Variants in LRMDA observed in about 807,000 individuals in gnomAD.
The protein encoded by LRMDA is leucine-rich melanocyte differentiation-associated protein.
LRMDA carries 18 observed loss-of-function variants against 29.8 expected under a neutral mutation model. The ratio of observed to expected loss-of-function variants is 0.60; its 90% CI spans 0.42 to 0.90. The LOEUF (loss-of-function observed/expected upper bound fraction) is 0.90. LRMDA is among the 40% of genes least tolerant of loss of function. The pLI is 0.00. For missense variants in LRMDA, 273 were observed against 273.9 expected (o/e 1.00, Z 0.02); for synonymous variants, 125 against 109.4 (o/e 1.14, Z -0.89).
intron 5 of LRMDA, among the ~76,000 whole-genome samples, chr10:76,191,900 T>G (rs765594969): frequency 6.6e-6 from 1 of 152,196 alleles, no homozygotes; most frequent in African/African-American, 2.4e-5. Context: ...CAGGACATCT[T>G]CTGGGAGTGG....
chr10:75,667,220 A>ACCC (rs34383202), intron 2 of LRMDA, among the ~76,000 whole-genome samples: 3 of 149,308 alleles, frequency 2.0e-5, no homozygotes, highest in African/African-American at 5.0e-5. Context: ...TGATTTTATA[A>ACCC]CCCCCCCCCC....
chr10:75,534,669 G>A (rs1319824479), intron 2 of LRMDA, among the ~76,000 whole-genome samples: 1 of 152,102 alleles, frequency 6.6e-6, no homozygotes, highest in South Asian at 2.1e-4. Context: ...CGATGTTTTT[G>A]TCTTCTTTTC....
chr10:75,712,035 C>T (rs1842442607), intron 2 of LRMDA, among the ~76,000 whole-genome samples: 1 of 152,108 alleles, frequency 6.6e-6, no homozygotes, highest in Admixed American at 6.6e-5. Context: ...TCAGCTTGCA[C>T]AGGCCTGGTA....
intron 2 of LRMDA, among the ~76,000 whole-genome samples, chr10:75,453,096 G>T (rs368092223): frequency 1.3e-5 from 2 of 152,150 alleles, no homozygotes; most frequent in East Asian, 1.9e-4. Context: ...GGGTCAAAGA[G>T]AAATCAGATG....
intron 5 of LRMDA, among the ~76,000 whole-genome samples, chr10:76,194,767 G>A (rs890301479): frequency 6.6e-6 from 1 of 152,148 alleles, no homozygotes; most frequent in East Asian, 1.9e-4. Context: ...TGATGATCCA[G>A]AAAGGAGTTA....
intron 2 of LRMDA, among the ~76,000 whole-genome samples, chr10:75,509,417 G>C (rs1845202833): frequency 2.0e-5 from 3 of 152,028 alleles, no homozygotes; most frequent in Admixed American, 2.0e-4. Context: ...TTTGTATGAT[G>C]TGACATGTGC....
At chr10:75,797,355 A>G (rs2132257689) in intron 2 of LRMDA, among the ~76,000 whole-genome samples, 1 of 152,256 alleles carries the variant, frequency 6.6e-6, no homozygotes, top group South Asian at 2.1e-4. Context: ...CTCTTAACTA[A>G]TCTTGCTAGG....
intron 5 of LRMDA, among the ~76,000 whole-genome samples, chr10:76,191,644 G>A (rs532138868): frequency 6.6e-6 from 1 of 152,320 alleles, no homozygotes; most frequent in South Asian, 2.1e-4. Flanking sequence ...AAACCACCCT[G>A]TAGGGCCCTT....
intron 2 of LRMDA, among the ~76,000 whole-genome samples, chr10:75,987,026 A>T (rs1440685188): frequency 6.6e-6 from 1 of 152,016 alleles, no homozygotes; most frequent in South Asian, 2.1e-4. Flanking sequence ...AGAAAGTCTT[A>T]GTTTGGAGCT....
intron 5 of LRMDA, among the ~76,000 whole-genome samples, chr10:76,104,710 C>A (rs1345176623): frequency 6.6e-6 from 1 of 152,104 alleles, no homozygotes; most frequent in African/African-American, 2.4e-5. Flanking sequence ...TCTTTCTTGC[C>A]AGGGTCATGA....
intron 2 of LRMDA, among the ~76,000 whole-genome samples, chr10:76,007,705 T>G (rs7069502): frequency 0.31 from 47,382 of 152,090 alleles, 7,926 homozygotes; most frequent in East Asian, 0.5. Flanking sequence ...GAATCACTTT[T>G]CACGGCCCTT....
At chr10:76,450,952 C>T (rs1315620648) in intron 6 of LRMDA, among the ~76,000 whole-genome samples, 1 of 152,174 alleles carries the variant, frequency 6.6e-6, no homozygotes, top group African/African-American at 2.4e-5. Flanking sequence ...TCTGAGTCAA[C>T]ATGGAAGAGC....
chr10:76,009,445 G>A (rs536643156), intron 2 of LRMDA, among the ~76,000 whole-genome samples: 6 of 152,276 alleles, frequency 3.9e-5, no homozygotes, highest in South Asian at 2.1e-4. Context: ...CTTAAAATTC[G>A]AAGCTAGGGG....
intron 5 of LRMDA, among the ~76,000 whole-genome samples, chr10:76,186,097 A>G (rs1173152300): frequency 6.6e-6 from 1 of 152,124 alleles, no homozygotes; most frequent in African/African-American, 2.4e-5. Context: ...ACGCATTCCA[A>G]GCTGAGCCTG....
intron 2 of LRMDA, among the ~76,000 whole-genome samples, chr10:75,843,419 T>G (rs1844575842): frequency 6.6e-6 from 1 of 152,226 alleles, no homozygotes; most frequent in South Asian, 2.1e-4. Flanking sequence ...AAGTGTGGTA[T>G]AGAGAAGGGG....
At chr10:76,426,018 TGGTTCCA>T (rs1842122054) in intron 6 of LRMDA, among the ~76,000 whole-genome samples, 1 of 152,218 alleles carries the variant, frequency 6.6e-6, no homozygotes, top group South Asian at 2.1e-4. Flanking sequence ...ACATTTGGGT[TGGTTCCA>T]AGTCTTTGCT....
At position 76,467,969 on chromosome 10, in the gene LRMDA, G is replaced by A. The variant is rs146441720; in HGVS notation, c.602-89240G>A. 3.0e-3 allele frequency among the ~76,000 whole-genome samples: 452 copies of A among 152,208 alleles called. 3 individuals are homozygous for A. The highest frequency in any genetic ancestry group is 0.027 in the Middle Eastern group (8 of 292). On this transcript the variant is annotated intron_variant, in intron 6 of 6. Transcript: ENST00000611255. ...TTGATAAATTCAGCTGATTCAGAGC[G>A]TTTACATAATCTTTCCAATGTCAAC...
intron 3 of LRMDA, among the ~76,000 whole-genome samples, chr10:76,043,850 A>G (rs1165942722): frequency 2.0e-5 from 3 of 152,236 alleles, no homozygotes; most frequent in South Asian, 4.1e-4. Context: ...CCATTCCTGC[A>G]TATCCCCACC....
At chr10:75,494,458 T>C (rs1403119488) in intron 2 of LRMDA, among the ~76,000 whole-genome samples, 3 of 151,876 alleles carry the variant, frequency 2.0e-5, no homozygotes, top group Admixed American at 6.6e-5. Flanking sequence ...TTAGGTTCAA[T>C]TGCATAGGAT....
Sources: gnomAD v4.1 joint callset for allele counts (sites outside exome capture counted in the v4.1 genomes callset) on GRCh38, gnomAD v4.1.1 for gene constraint, MANE v1.5 for transcripts, NCBI Gene and HGNC (gene_info 2026-07-23, HGNC 2026-07-21) for gene names.